VAV3: variants seen among roughly 807,000 people sequenced by gnomAD.
VAV3 encodes the protein vav guanine nucleotide exchange factor 3.
Under a neutral mutation model 131.2 loss-of-function variants are expected in VAV3, and 94 were observed. The observed-to-expected ratio is 0.72, with a 90% CI of 0.61 to 0.85. The LOEUF (loss-of-function observed/expected upper bound fraction) is 0.85, where lower values mean the gene tolerates loss of function less well. VAV3 is among the 40% of genes least tolerant of loss of function. VAV3 has a pLI of 0.00. For synonymous variants in VAV3, 349 were observed against 342.0 expected (o/e 1.02, Z -0.22); for missense variants, 939 against 1,002.7 (o/e 0.94, Z 0.86).
At chr1:107,862,424 C>T (rs1331889576) in intron 2 of VAV3, among the ~76,000 whole-genome samples, 1 of 151,368 alleles carries the variant, frequency 6.6e-6, no homozygotes, top group African/African-American at 2.4e-5. Context: ...AAAAAGAAGA[C>T]ACAGAAAATA....
At chr1:107,936,613 C>G (rs1673721601) in intron 1 of VAV3, among the ~76,000 whole-genome samples, 1 of 152,138 alleles carries the variant, frequency 6.6e-6, no homozygotes, top group Non-Finnish European at 1.5e-5. Context: ...CCAAGTGACT[C>G]AAGAATGAGT....
chr1:107,590,279 C>A (rs1650845560), intron 25 of VAV3, among the ~76,000 whole-genome samples: 2 of 152,208 alleles, frequency 1.3e-5, no homozygotes, highest in Non-Finnish European at 2.9e-5. Context: ...TTCAACTTAG[C>A]ACTCTAATAT....
At chr1:107,873,536 T>A (rs1393640438) in intron 2 of VAV3, among the ~76,000 whole-genome samples, 1 of 152,144 alleles carries the variant, frequency 6.6e-6, no homozygotes, top group Non-Finnish European at 1.5e-5. Context: ...GAAATATCTC[T>A]GGTGTTTTTC....
chr1:107,732,699 A>G (rs780150956), intron 15 of VAV3, among the ~76,000 whole-genome samples: 4 of 152,148 alleles, frequency 2.6e-5, no homozygotes, highest in Non-Finnish European at 5.9e-5. Context: ...TAGGTAAACA[A>G]AGTGGCCGGG....
At chr1:107,938,414 G>A (rs1023284041) in intron 1 of VAV3, among the ~76,000 whole-genome samples, 4 of 152,134 alleles carry the variant, frequency 2.6e-5, no homozygotes, top group Non-Finnish European at 5.9e-5. Context: ...CCACAGGGGT[G>A]GGTTTTTTGG....
intron 11 of VAV3, among the ~76,000 whole-genome samples, chr1:107,755,987 T>C (rs1038352678): frequency 7.2e-5 from 11 of 152,216 alleles, no homozygotes; most frequent in African/African-American, 2.7e-4. Context: ...CTAGTCTTCT[T>C]GGTTCCTGAG....
chr1:107,754,013 A>T (rs1663944908), intron 12 of VAV3, among the ~76,000 whole-genome samples: 1 of 152,218 alleles, frequency 6.6e-6, no homozygotes, highest in Non-Finnish European at 1.5e-5. Flanking sequence ...ATAGGAAAAA[A>T]ACATTCTAGG....
intron 19 of VAV3, among the ~76,000 whole-genome samples, chr1:107,676,801 G>C (rs532088797): frequency 1.1e-4 from 17 of 152,102 alleles, no homozygotes; most frequent in African/African-American, 4.1e-4. Flanking sequence ...CCTTCAGTTT[G>C]CAAAAAATTC....
intron 15 of VAV3, among the ~76,000 whole-genome samples, chr1:107,718,718 T>C (rs904391185): frequency 1.3e-5 from 2 of 152,116 alleles, no homozygotes; most frequent in African/African-American, 4.8e-5. Flanking sequence ...TTAAAGTTCA[T>C]ATGGAACCAA....
rs551467678 is a variant in VAV3 at position 107,875,078 on chromosome 1, T to C, written c.205-61A>G. On this transcript the variant is annotated intron_variant, in intron 1 of 26. Transcript: ENST00000370056. ...ATTATTCTGAATGCTATCCACCCTC[T>C]GTAACACTCAAGACTGCTCTAAAAA... 698 of 1,386,146 alleles carry C rather than the reference T, an allele frequency of 5.0e-4. 2 individuals carry two copies. The highest frequency in any genetic ancestry group is 6.5e-4 in the Non-Finnish European group (637 of 975,644). 85.9% of individuals were successfully genotyped at this position (1,386,146 alleles called of 1,614,324 possible).
At chr1:107,622,089 C>T (rs1349337068) in intron 20 of VAV3, among the ~76,000 whole-genome samples, 5 of 152,038 alleles carry the variant, frequency 3.3e-5, no homozygotes, top group Non-Finnish European at 7.4e-5. Context: ...ATAACAATGC[C>T]TTTTTCCTGA....
intron 17 of VAV3, among the ~76,000 whole-genome samples, chr1:107,693,767 A>G (rs1659582234): frequency 6.6e-6 from 1 of 152,188 alleles, no homozygotes; most frequent in Admixed American, 6.5e-5. Context: ...GACACAAAAG[A>G]TGAGAAACAT....
At chr1:107,935,040 C>T (rs894835369) in intron 1 of VAV3, among the ~76,000 whole-genome samples, 12 of 152,154 alleles carry the variant, frequency 7.9e-5, no homozygotes, top group Admixed American at 2.6e-4. Flanking sequence ...CCACAGATTA[C>T]GCGAACTGAT....
At chr1:107,586,637 A>G (rs1387377500) in intron 25 of VAV3, among the ~76,000 whole-genome samples, 1 of 152,132 alleles carries the variant, frequency 6.6e-6, no homozygotes, top group African/African-American at 2.4e-5. Context: ...GAAATTGACA[A>G]CCATTTACAT....
At position 107,634,660 on chromosome 1, in the gene VAV3, G is replaced by A. The variant is rs536121031; in HGVS notation, c.1914+7959C>T. Among the ~76,000 whole-genome samples the A allele has an allele frequency of 2.6e-3, 396 of 150,276 alleles. 1 individual carries two copies. The highest frequency in any genetic ancestry group is 0.015 in the Middle Eastern group (4 of 274). ...ACTAAAGAGCTTCTGCACAGCAAAA[G>A]AAACTACCATCAGAGTGAACAGGCA... On this transcript the variant is annotated intron_variant, in intron 20 of 26. Transcript: ENST00000370056.
chr1:107,751,023 C>A, intron 13 of VAV3, 94 bp downstream of exon 13: 1 of 1,192,838 alleles, frequency 8.4e-7, no homozygotes, highest in South Asian at 1.4e-5. Flanking sequence ...TTCCTTTTTT[C>A]CCCCTACTTC....
chr1:107,617,982 G>T (rs1653290687), intron 20 of VAV3, among the ~76,000 whole-genome samples: 1 of 152,106 alleles, frequency 6.6e-6, no homozygotes, highest in South Asian at 2.1e-4. Context: ...GGGTGCTGGG[G>T]GCGTGGCAGG....
At chr1:107,872,825 T>C (rs1010522158) in intron 2 of VAV3, among the ~76,000 whole-genome samples, 6 of 152,154 alleles carry the variant, frequency 3.9e-5, no homozygotes, top group African/African-American at 1.2e-4. Context: ...GTACCTAACC[T>C]CTTAACGTTG....
intron 2 of VAV3, among the ~76,000 whole-genome samples, chr1:107,868,905 A>T (rs1383464438): frequency 6.6e-6 from 1 of 152,124 alleles, no homozygotes; most frequent in Non-Finnish European, 1.5e-5. Flanking sequence ...AAACCTATAG[A>T]TATACATTTA....
Sources: allele counts gnomAD v4.1 joint callset (sites outside exome capture counted in the v4.1 genomes callset), GRCh38; gene constraint gnomAD v4.1.1; transcripts MANE v1.5; gene names NCBI Gene and HGNC (gene_info 2026-07-23, HGNC 2026-07-21).